NDST3: variants seen among roughly 807,000 people sequenced by gnomAD.
NDST3 encodes bifunctional heparan sulfate N-deacetylase/N-sulfotransferase 3.
In NDST3, 58 loss-of-function variants were observed where a neutral mutation model predicts 96.1. That is an observed-to-expected ratio of 0.60 (90% CI 0.49 to 0.75). The LOEUF is 0.75. Among genes scored for constraint, NDST3 ranks in the 30% least tolerant of loss-of-function variants. The probability of loss-of-function intolerance (pLI) is 0.00; values close to 1 mark genes in which losing one functional copy is unlikely to be tolerated. For missense variants in NDST3, 788 were observed against 1,034.2 expected, an observed-to-expected ratio of 0.76 and a Z score of 3.27; for synonymous variants, 333 against 359.7, an observed-to-expected ratio of 0.93 and a Z score of 0.84.
intron 2 of NDST3, among the ~76,000 whole-genome samples, chr4:118,095,559 T>G (rs1729231559): frequency 6.6e-6 from 1 of 151,818 alleles, no homozygotes; most frequent in South Asian, 2.1e-4. Flanking sequence ...TTCTGTTTTT[T>G]TTTTTGTGGT....
intron 6 of NDST3, among the ~76,000 whole-genome samples, chr4:118,149,338 C>T (rs1734204998): frequency 6.6e-6 from 1 of 152,112 alleles, no homozygotes; most frequent in Admixed American, 6.5e-5. Context: ...CTCTAAATTA[C>T]CTTGGGCAGT....
intron 12 of NDST3, among the ~76,000 whole-genome samples, chr4:118,250,009 T>C (rs917075500): frequency 2.6e-5 from 4 of 152,344 alleles, no homozygotes; most frequent in African/African-American, 7.2e-5. Context: ...GATTCTGAGT[T>C]TCCTCTATGT....
At chr4:118,138,324 G>A in intron 5 of NDST3, 85 bp downstream of exon 5, 1 of 1,245,266 alleles carries the variant, frequency 8.0e-7, no homozygotes, top group Non-Finnish European at 1.1e-6. Flanking sequence ...ACAAATGTTA[G>A]CAGCATAAAT....
chr4:118,107,447 T>C (rs1357720694), intron 3 of NDST3, among the ~76,000 whole-genome samples: 1 of 152,108 alleles, frequency 6.6e-6, no homozygotes, highest in African/African-American at 2.4e-5. Flanking sequence ...TCTGCAGTCA[T>C]TAAAAAGAGA....
intron 6 of NDST3, among the ~76,000 whole-genome samples, chr4:118,215,274 G>C (rs1739118685): frequency 6.6e-6 from 1 of 152,100 alleles, no homozygotes; most frequent in Non-Finnish European, 1.5e-5. Flanking sequence ...AATATAGATA[G>C]AGGAGAACTA....
At chr4:118,045,301 C>G (rs958539603) in intron 1 of NDST3, among the ~76,000 whole-genome samples, 1 of 152,124 alleles carries the variant, frequency 6.6e-6, no homozygotes, top group Non-Finnish European at 1.5e-5. Flanking sequence ...CAGACTCCCC[C>G]ACTTGCCATG....
At chr4:118,064,781 C>T (rs1578561184) in intron 2 of NDST3, among the ~76,000 whole-genome samples, 9 of 152,136 alleles carry the variant, frequency 5.9e-5, no homozygotes, top group Admixed American at 5.9e-4. Context: ...GAAGGTCAGA[C>T]ATCCAACATG....
At chr4:118,094,146 T>G (rs1183841018) in intron 2 of NDST3, among the ~76,000 whole-genome samples, 2 of 151,810 alleles carry the variant, frequency 1.3e-5, no homozygotes, top group African/African-American at 4.8e-5. Context: ...GGGAACACAT[T>G]CAGACCATAG....
At chr4:118,180,449 T>C (rs1040535738) in intron 6 of NDST3, among the ~76,000 whole-genome samples, 3 of 152,172 alleles carry the variant, frequency 2.0e-5, no homozygotes, top group Admixed American at 6.6e-5. Flanking sequence ...TTGCTTTCCA[T>C]GGCTGTGTAA....
intron 6 of NDST3, among the ~76,000 whole-genome samples, chr4:118,195,564 T>C (rs1394333903): frequency 3.3e-5 from 5 of 152,244 alleles, no homozygotes; most frequent in African/African-American, 4.8e-5. Context: ...ATGACTTTAT[T>C]AGCTGCATGA....
intron 12 of NDST3, among the ~76,000 whole-genome samples, chr4:118,251,615 T>G (rs376026987): frequency 5.7e-4 from 87 of 151,764 alleles, no homozygotes; most frequent in African/African-American, 2.1e-3. Flanking sequence ...ATGTGTAGAT[T>G]TATTTCTGAA....
At chr4:118,140,663 C>A (rs1242926872) in intron 5 of NDST3, among the ~76,000 whole-genome samples, 1 of 152,142 alleles carries the variant, frequency 6.6e-6, no homozygotes, top group Admixed American at 6.5e-5. Context: ...AAGAAACTTA[C>A]AATCATGGCA....
chr4:118,240,791 A>G (rs750249776), intron 11 of NDST3, 97 bp downstream of exon 11: 4 of 1,170,324 alleles, frequency 3.4e-6, no homozygotes, highest in Non-Finnish European at 4.8e-6. Context: ...AACTATTACT[A>G]GTTTTTCCTC....
At chr4:118,075,749 GATT>G (rs200376438) in intron 2 of NDST3, among the ~76,000 whole-genome samples, 114,038 of 151,682 alleles carry the variant, frequency 0.75, 45,517 homozygotes, top group South Asian at 0.92. Flanking sequence ...GGGGCTGTTT[GATT>G]TTTTTCTTGT....
At chr4:118,048,180 G>A (rs1724876952) in intron 1 of NDST3, among the ~76,000 whole-genome samples, 1 of 152,150 alleles carries the variant, frequency 6.6e-6, no homozygotes, top group Non-Finnish European at 1.5e-5. Flanking sequence ...AGCAAATGCT[G>A]AATGAATTCA....
At chr4:118,107,142 G>C (rs1730267051) in intron 3 of NDST3, among the ~76,000 whole-genome samples, 2 of 152,016 alleles carry the variant, frequency 1.3e-5, no homozygotes, top group Admixed American at 6.6e-5. Flanking sequence ...TTAGCACCCA[G>C]TATTGAAAAG....
At chr4:118,225,730 T>C (rs1739832770) in intron 7 of NDST3, among the ~76,000 whole-genome samples, 1 of 152,208 alleles carries the variant, frequency 6.6e-6, no homozygotes, top group Non-Finnish European at 1.5e-5. Context: ...CATTCAGCTT[T>C]CAACCGTAAG....
At chr4:118,115,226 T>C (rs1455182169) in intron 4 of NDST3, among the ~76,000 whole-genome samples, 1 of 152,182 alleles carries the variant, frequency 6.6e-6, no homozygotes, top group Non-Finnish European at 1.5e-5. Flanking sequence ...ACCTAAGACA[T>C]GGCTCCTGTC....
Position 118,138,189 on chromosome 4 carries a change from C to T in NDST3, c.1360C>T (p.His454Tyr). 1.9e-6 allele frequency: 3 copies of T among 1,613,990 alleles called. No homozygotes were observed. Among genetic ancestry groups the T allele is most frequent in the Non-Finnish European group, 2.5e-6 (3 of 1,179,922 alleles). Reference protein sequence around the residue: ...IKITSTEEYPHLKPARYRRGF... With the variant: ...IKITSTEEYPYLKPARYRRGF... ...AATCACCAGCACTGAAGAATATCCA[C>T]ATCTGAAGCCAGCTAGATACCGGAG... is the stretch of plus-strand genomic sequence containing the variant. Residue 454 changes from histidine to tyrosine, a missense_variant, in exon 5 of 14, where the codon CAT becomes TAT. Physicochemically the swap from His to Tyr is moderately conservative, Grantham distance 83. Coordinates refer to ENST00000296499, the MANE Select transcript of NDST3 (RefSeq NM_004784.3).
Sources: gnomAD v4.1 joint callset for allele counts (sites outside exome capture counted in the v4.1 genomes callset) on GRCh38, gnomAD v4.1.1 for gene constraint, MANE v1.5 for transcripts, NCBI Gene and HGNC (gene_info 2026-07-23, HGNC 2026-07-21) for gene names.